The following NBEA variants were observed in gnomAD, a reference collection of about 807,000 sequenced individuals.
NBEA encodes the protein lysosomal-trafficking regulator 2.
NBEA carries 44 observed loss-of-function variants against 343.4 expected under a neutral mutation model. That is an observed-to-expected ratio of 0.13 (90% CI 0.10 to 0.16). The LOEUF (loss-of-function observed/expected upper bound fraction) is 0.16. Among genes scored for constraint, NBEA ranks in the 10% least tolerant of loss-of-function variants. The pLI is 1.00. For missense variants in NBEA, 2,555 were observed against 3,631.3 expected (o/e 0.70, Z 7.62); for synonymous variants, 1,175 against 1,238.7 (o/e 0.95, Z 1.08).
At chr13:35,165,520 T>C (rs972735199) in intron 24 of NBEA, among the ~76,000 whole-genome samples, 1 of 152,130 alleles carries the variant, frequency 6.6e-6, no homozygotes, top group Non-Finnish European at 1.5e-5. Flanking sequence ...GTATAAATTG[T>C]TGATGGTGTG....
At chr13:35,058,035 A>T (rs144707574) in intron 7 of NBEA, among the ~76,000 whole-genome samples, 2 of 152,246 alleles carry the variant, frequency 1.3e-5, no homozygotes, top group East Asian at 3.9e-4. Context: ...CTGAGCCATG[A>T]CTGCCTTCCC....
chr13:35,359,125 C>A (rs555430613), intron 38 of NBEA, among the ~76,000 whole-genome samples: 2 of 152,128 alleles, frequency 1.3e-5, no homozygotes, highest in Non-Finnish European at 2.9e-5. Context: ...AGTATTTGAA[C>A]AGGAGAATAA....
chr13:35,276,937 T>C lies in NBEA; in HGVS notation c.5777-13452T>C, dbSNP rs911779214. On this transcript the variant is annotated intron_variant, in intron 34 of 58. Coordinates refer to ENST00000379939, the MANE Select transcript of NBEA (RefSeq NM_001385012.1). ...TTGTTTAAATTTTGTAATATTACAT[T>C]ACATATTTAAAGAAAACTTTAGAGA... is the stretch of plus-strand genomic sequence containing the variant. Among the ~76,000 whole-genome samples, 3 of 152,198 alleles carry C rather than the reference T, an allele frequency of 2.0e-5. No individual in the cohort carries two copies. The South Asian group carries it at 6.2e-4, about 32-fold the overall frequency.
intron 1 of NBEA, among the ~76,000 whole-genome samples, chr13:34,945,232 A>C (rs1401298967): frequency 6.6e-6 from 1 of 152,172 alleles, no homozygotes; most frequent in Non-Finnish European, 1.5e-5. Flanking sequence ...AATGCAATAG[A>C]TTTTTAAATA....
Position 35,035,461 on chromosome 13 carries a change from C to A in NBEA, c.295-5472C>A, listed in dbSNP as rs1479978854. Among the ~76,000 whole-genome samples the A allele has an allele frequency of 3.9e-5, 6 of 151,916 alleles. No individual in the cohort carries two copies. In the East Asian group the frequency reaches 1.2e-3, roughly 29 times the overall value. ...TCTGTCTTTTCAGTTGATCCATGTG[C>A]TGAGGAAAAGAATGTGTATTCTGCA... On this transcript the variant is annotated intron_variant, in intron 1 of 58. Transcript: ENST00000379939.
At chr13:34,983,107 G>C (rs1042344751) in intron 1 of NBEA, among the ~76,000 whole-genome samples, 4 of 152,034 alleles carry the variant, frequency 2.6e-5, no homozygotes, top group African/African-American at 9.7e-5. Context: ...GTGCCATGTT[G>C]GTTTGCTGCA....
intron 1 of NBEA, among the ~76,000 whole-genome samples, chr13:35,027,383 C>CTT (rs553757512): frequency 4.8e-5 from 7 of 145,506 alleles, no homozygotes; most frequent in African/African-American, 7.5e-5. Flanking sequence ...GACAGATCCA[C>CTT]TTTTTTTTTT....
At chr13:35,342,358 A>G (rs1311310898) in intron 36 of NBEA, among the ~76,000 whole-genome samples, 1 of 152,106 alleles carries the variant, frequency 6.6e-6, no homozygotes, top group Non-Finnish European at 1.5e-5. Flanking sequence ...TATGTGAAAT[A>G]TATCTCAATT....
At chr13:35,580,259 T>C (rs866244905) in intron 45 of NBEA, among the ~76,000 whole-genome samples, 2 of 152,156 alleles carry the variant, frequency 1.3e-5, no homozygotes, top group Non-Finnish European at 2.9e-5. Context: ...AACTTTTGTA[T>C]ATGGTAACAC....
chr13:35,657,846 A>C (rs1398262095), intron 55 of NBEA, among the ~76,000 whole-genome samples: 4 of 152,174 alleles, frequency 2.6e-5, no homozygotes, highest in South Asian at 2.1e-4. Flanking sequence ...TGTTATTTCC[A>C]AAAAGGGGAT....
chr13:35,539,442 T>C (rs2078705458), intron 41 of NBEA, among the ~76,000 whole-genome samples: 1 of 152,162 alleles, frequency 6.6e-6, no homozygotes, highest in Admixed American at 6.5e-5. Flanking sequence ...AGAATGCACA[T>C]TGTGGCTAAA....
At chr13:35,223,721 G>T (rs1195405370) in intron 33 of NBEA, among the ~76,000 whole-genome samples, 2 of 151,972 alleles carry the variant, frequency 1.3e-5, no homozygotes, top group East Asian at 3.8e-4. Flanking sequence ...TATTTCTTCT[G>T]CTCTGGTATG....
At chr13:34,962,519 G>A (rs900060719) in intron 1 of NBEA, among the ~76,000 whole-genome samples, 2 of 152,040 alleles carry the variant, frequency 1.3e-5, no homozygotes, top group Non-Finnish European at 2.9e-5. Flanking sequence ...TTTATTGTCA[G>A]CAAATACTTT....
chr13:35,342,045 A>G (rs1446940712), intron 36 of NBEA, among the ~76,000 whole-genome samples: 1 of 152,110 alleles, frequency 6.6e-6, no homozygotes, highest in African/African-American at 2.4e-5. Context: ...AAAAGGAATA[A>G]GGTACTCATA....
At chr13:35,503,308 A>G (rs1435177662) in intron 41 of NBEA, among the ~76,000 whole-genome samples, 3 of 151,902 alleles carry the variant, frequency 2.0e-5, no homozygotes, top group Non-Finnish European at 4.4e-5. Flanking sequence ...ATAAGAATTT[A>G]AAATACTATA....
At chr13:35,414,198 T>G (rs549561494) in intron 38 of NBEA, among the ~76,000 whole-genome samples, 11 of 151,820 alleles carry the variant, frequency 7.2e-5, no homozygotes, top group Admixed American at 7.2e-4. Flanking sequence ...TTGATCATGC[T>G]TACAAATTAT....
intron 38 of NBEA, among the ~76,000 whole-genome samples, chr13:35,356,819 C>T (rs961321909): frequency 2.1e-4 from 32 of 152,138 alleles, no homozygotes; most frequent in African/African-American, 7.7e-4. Context: ...AGCACTTCCT[C>T]CTTTTGTATG....
chr13:35,165,642 T>C (rs1296968495), intron 24 of NBEA, among the ~76,000 whole-genome samples: 1 of 152,074 alleles, frequency 6.6e-6, no homozygotes, highest in African/African-American at 2.4e-5. Context: ...TTAAAATGCT[T>C]TCTAATAGTG....
chr13:35,400,530 C>T (rs576778065), intron 38 of NBEA, among the ~76,000 whole-genome samples: 2 of 151,952 alleles, frequency 1.3e-5, no homozygotes, highest in South Asian at 2.1e-4. Context: ...GAGGATTATA[C>T]CACAACCTTG....
Sources: allele counts gnomAD v4.1 joint callset (sites outside exome capture counted in the v4.1 genomes callset), GRCh38; gene constraint gnomAD v4.1.1; transcripts MANE v1.5; gene names NCBI Gene and HGNC (gene_info 2026-07-23, HGNC 2026-07-21).